The following MGAT4C variants were observed in gnomAD, a reference collection of about 807,000 sequenced individuals.
MGAT4C encodes the protein MGAT4 family member C.
Under a neutral mutation model 40.1 loss-of-function variants are expected in MGAT4C, and 19 were observed. That is an observed-to-expected ratio of 0.47 (90% confidence interval 0.33 to 0.70). The LOEUF (loss-of-function observed/expected upper bound fraction) is 0.70. Ranked by LOEUF, MGAT4C falls within the 30% of genes least tolerant of loss-of-function variation. The pLI is 0.02. For synonymous variants in MGAT4C, 181 were observed against 187.1 expected (o/e 0.97, Z 0.27); for missense variants, 491 against 563.2 (o/e 0.87, Z 1.30).
At chr12:86,132,049 T>A (rs1881262486) in intron 1 of MGAT4C, among the ~76,000 whole-genome samples, 1 of 152,136 alleles carries the variant, frequency 6.6e-6, no homozygotes, top group African/African-American at 2.4e-5. Flanking sequence ...ATTTAGTCTC[T>A]CTCTGGACAG....
intron 2 of MGAT4C, among the ~76,000 whole-genome samples, chr12:86,530,497 T>C (rs1260152358): frequency 3.9e-5 from 6 of 151,966 alleles, no homozygotes; most frequent in Admixed American, 2.6e-4. Flanking sequence ...TAAAAATAAA[T>C]AGTATGCTTT....
chr12:86,443,172 C>G (rs1167778341), intron 2 of MGAT4C, among the ~76,000 whole-genome samples: 1 of 151,654 alleles, frequency 6.6e-6, no homozygotes, highest in Non-Finnish European at 1.5e-5. Flanking sequence ...TATATTTCCA[C>G]TGACATTATA....
chr12:86,288,413 T>A (rs1291622679), intron 4 of MGAT4C, among the ~76,000 whole-genome samples: 3 of 152,202 alleles, frequency 2.0e-5, no homozygotes, highest in Non-Finnish European at 4.4e-5. Context: ...AGTCATGAAG[T>A]CTTTGCCCAT....
chr12:86,774,347 C>CTTTCTTTCTTTT (rs1565981724), intron 1 of MGAT4C, among the ~76,000 whole-genome samples: 4 of 42,312 alleles, frequency 9.5e-5, no homozygotes, highest in Admixed American at 3.0e-4. Flanking sequence ...TTCTGTCTCT[C>CTTTCTTTCTTTT]TCTCTCCCCT....
At chr12:86,821,747 T>A (rs1342849952) in intron 1 of MGAT4C, among the ~76,000 whole-genome samples, 3 of 150,996 alleles carry the variant, frequency 2.0e-5, no homozygotes, top group Non-Finnish European at 4.5e-5. Flanking sequence ...GTTTGGATAC[T>A]TGACATTTAG....
intron 1 of MGAT4C, among the ~76,000 whole-genome samples, chr12:86,203,683 C>T (rs887758910): frequency 1.3e-5 from 2 of 151,958 alleles, no homozygotes; most frequent in Non-Finnish European, 1.5e-5. Flanking sequence ...CATAGCCGGG[C>T]GTGGTGGCTC....
chr12:86,726,125 A>C (rs1165746864), intron 2 of MGAT4C, among the ~76,000 whole-genome samples: 1 of 152,238 alleles, frequency 6.6e-6, no homozygotes, highest in Non-Finnish European at 1.5e-5. Flanking sequence ...CAGAAACATC[A>C]TCTATCATTT....
intron 3 of MGAT4C, among the ~76,000 whole-genome samples, chr12:86,414,141 T>C (rs995587884): frequency 2.6e-5 from 4 of 151,838 alleles, no homozygotes; most frequent in Non-Finnish European, 5.9e-5. Context: ...AAAGGTAAAA[T>C]TAAAATTCAT....
intron 2 of MGAT4C, among the ~76,000 whole-genome samples, chr12:86,440,353 CA>C (rs919344639): frequency 6.6e-6 from 1 of 151,780 alleles, no homozygotes; most frequent in Admixed American, 6.6e-5. Context: ...TGATTCACCA[CA>C]AAAACAGAAT....
chr12:86,151,854 G>T (rs1399318148), intron 1 of MGAT4C, among the ~76,000 whole-genome samples: 1 of 152,216 alleles, frequency 6.6e-6, no homozygotes. Context: ...CCTTAACGTT[G>T]TTCCTATCAC....
chr12:86,335,171 T>C (rs1954755142), intron 3 of MGAT4C, among the ~76,000 whole-genome samples: 1 of 152,082 alleles, frequency 6.6e-6, no homozygotes, highest in African/African-American at 2.4e-5. Flanking sequence ...AGGAAGCCCT[T>C]AACATTCCCT....
At chr12:86,708,387 G>T (rs183897810) in intron 2 of MGAT4C, among the ~76,000 whole-genome samples, 1 of 152,354 alleles carries the variant, frequency 6.6e-6, no homozygotes, top group East Asian at 1.9e-4. Flanking sequence ...GGTCCAGACA[G>T]AAGTTTGCTG....
At chr12:86,139,378 ATTGT>A (rs1291419650) in intron 1 of MGAT4C, among the ~76,000 whole-genome samples, 9 of 152,068 alleles carry the variant, frequency 5.9e-5, no homozygotes, top group East Asian at 1.9e-4. Context: ...CCTAAAATAT[ATTGT>A]TTATTTTTCC....
intron 2 of MGAT4C, among the ~76,000 whole-genome samples, chr12:86,568,950 G>GA (rs1044960558): frequency 1.5e-4 from 22 of 151,424 alleles, no homozygotes; most frequent in African/African-American, 4.6e-4. Context: ...AAAACTAGCT[G>GA]AAAAAAATTA....
At chr12:86,820,936 T>C (rs1337292420) in intron 1 of MGAT4C, among the ~76,000 whole-genome samples, 1 of 150,984 alleles carries the variant, frequency 6.6e-6, no homozygotes, top group East Asian at 1.9e-4. Context: ...GTAAAACTAA[T>C]GAGAGTATAC....
At chr12:86,642,885 A>G (rs1329362736) in intron 2 of MGAT4C, among the ~76,000 whole-genome samples, 2 of 151,748 alleles carry the variant, frequency 1.3e-5, no homozygotes, top group African/African-American at 4.8e-5. Flanking sequence ...TTTGATGAGG[A>G]TATGGCAAAA....
chr12:86,629,547 A>G (rs1027946319), intron 2 of MGAT4C, among the ~76,000 whole-genome samples: 16 of 152,302 alleles, frequency 1.1e-4, no homozygotes, highest in African/African-American at 3.8e-4. Flanking sequence ...AATCACAACA[A>G]ACTGTCTCTC....
chr12:86,669,491 C>T (rs1051522939), intron 2 of MGAT4C, among the ~76,000 whole-genome samples: 11 of 152,200 alleles, frequency 7.2e-5, no homozygotes, highest in African/African-American at 2.7e-4. Flanking sequence ...AGGACCCATT[C>T]TCCTGGATTA....
intron 2 of MGAT4C, among the ~76,000 whole-genome samples, chr12:86,707,609 C>A (rs1010513645): frequency 6.6e-6 from 1 of 151,546 alleles, no homozygotes; most frequent in Non-Finnish European, 1.5e-5. Flanking sequence ...CAGCTCACTG[C>A]AACCTCCGCC....
Sources: allele counts gnomAD v4.1 joint callset (sites outside exome capture counted in the v4.1 genomes callset), GRCh38; gene constraint gnomAD v4.1.1; transcripts MANE v1.5; gene names NCBI Gene and HGNC (gene_info 2026-07-23, HGNC 2026-07-21).